Variants in SOX6 observed in about 807,000 individuals in gnomAD.
SOX6 encodes transcription factor SOX-6.
A neutral mutation model predicts 97.8 loss-of-function variants in SOX6; 11 were observed. The observed-to-expected ratio is 0.11, with a 90% CI of 0.07 to 0.19. SOX6 has a LOEUF of 0.19. SOX6 is among the 10% of genes least tolerant of loss of function. SOX6 has a pLI of 1.00. For synonymous variants in SOX6, 360 were observed against 371.4 expected (o/e 0.97, Z 0.35); for missense variants, 810 against 1,039.5 (o/e 0.78, Z 3.04).
intron 6 of SOX6, among the ~76,000 whole-genome samples, chr11:16,139,591 C>A (rs1342308494): frequency 6.6e-6 from 1 of 151,990 alleles, no homozygotes; most frequent in Non-Finnish European, 1.5e-5. Context: ...ATTCTTTAAG[C>A]ACCTCCTCAC....
chr11:16,093,776 A>G (rs1441553596), intron 9 of SOX6, among the ~76,000 whole-genome samples: 2 of 152,122 alleles, frequency 1.3e-5, no homozygotes, highest in East Asian at 3.9e-4. Context: ...CCTAGCTAGA[A>G]AAGAAAGCAG....
chr11:16,637,059 T>C (rs1412647634), intron 3 of SOX6, among the ~76,000 whole-genome samples: 1 of 152,228 alleles, frequency 6.6e-6, no homozygotes, highest in Non-Finnish European at 1.5e-5. Flanking sequence ...TGTTGTTGAT[T>C]AGTCTCTCTA....
At chr11:16,714,625 T>C (rs773605417) in intron 3 of SOX6, among the ~76,000 whole-genome samples, 1 of 152,062 alleles carries the variant, frequency 6.6e-6, no homozygotes, top group African/African-American at 2.4e-5. Context: ...CTAATTTTTG[T>C]ACTTTTAGTA....
intron 9 of SOX6, among the ~76,000 whole-genome samples, chr11:16,080,875 G>A (rs556531762): frequency 3.3e-5 from 5 of 152,074 alleles, no homozygotes; most frequent in Non-Finnish European, 7.4e-5. Flanking sequence ...TTAACTAAAA[G>A]TTTAAAAATA....
intron 3 of SOX6, among the ~76,000 whole-genome samples, chr11:16,290,507 T>C (rs1854883106): frequency 1.3e-5 from 2 of 152,064 alleles, no homozygotes; most frequent in South Asian, 2.1e-4. Flanking sequence ...CATGAACACA[T>C]TGTCTTTTAT....
chr11:16,290,755 G>A (rs1047576710), intron 3 of SOX6, among the ~76,000 whole-genome samples: 4 of 152,016 alleles, frequency 2.6e-5, no homozygotes, highest in African/African-American at 7.2e-5. Flanking sequence ...CAAAAACAAC[G>A]TTCCCTGTGT....
intron 4 of SOX6, among the ~76,000 whole-genome samples, chr11:16,527,669 A>G (rs981857457): frequency 6.6e-6 from 1 of 152,170 alleles, no homozygotes; most frequent in Non-Finnish European, 1.5e-5. Flanking sequence ...TACGAAAACT[A>G]TTAATGCACC....
chr11:16,628,523 G>A (rs1848657523), intron 3 of SOX6, among the ~76,000 whole-genome samples: 2 of 151,810 alleles, frequency 1.3e-5, no homozygotes, highest in South Asian at 4.2e-4. Flanking sequence ...CTACTTGGAA[G>A]GCTGAGGAAG....
chr11:16,359,858 G>A (rs1857164744), upstream of SOX6, among the ~76,000 whole-genome samples: 1 of 152,128 alleles, frequency 6.6e-6, no homozygotes, highest in East Asian at 1.9e-4. Flanking sequence ...ATGCTTCACA[G>A]TACCTCATTA....
At chr11:16,524,276 C>G (rs1861119211) in intron 4 of SOX6, among the ~76,000 whole-genome samples, 1 of 151,440 alleles carries the variant, frequency 6.6e-6, no homozygotes, top group Non-Finnish European at 1.5e-5. Flanking sequence ...AAAGCTTATC[C>G]ACCATGATCA....
rs1455686351 is a variant in SOX6, at chr11:16,300,595, C to T, written c.445+17851G>A. On this transcript the variant is annotated intron_variant, in intron 3 of 15. Transcript: ENST00000683767. The surrounding 1 kb of genome is among the most constrained non-coding windows in gnomAD (Gnocchi z 4.1). Reference sequence around the variant, plus strand: ...CCTCTCAGTGCTGGAAAGACATTTTCATTCATTACCACGGTCACAAGCACT... The same window carrying T: ...CCTCTCAGTGCTGGAAAGACATTTTTATTCATTACCACGGTCACAAGCACT... Among the ~76,000 whole-genome samples, 1 of 152,176 alleles carries T rather than the reference C, an allele frequency of 6.6e-6. No homozygotes were observed. Among genetic ancestry groups the T allele is most frequent in the Non-Finnish European group, 1.5e-5 (1 of 68,032 alleles).
chr11:16,448,419 T>C lies in SOX6; in HGVS notation c.-5+27896A>G, dbSNP rs181987200. Among the ~76,000 whole-genome samples the C allele has an allele frequency of 6.6e-3, 1,008 of 152,222 alleles. 21 individuals carry two copies. The highest frequency in any genetic ancestry group is 0.023 in the African/African-American group (938 of 41,544). On this transcript the variant is annotated intron_variant, in intron 1 of 15. Coordinates refer to the SOX6 transcript ENST00000396356. ...CAATATCACTACTCTCATTTTTTTT[T>C]CCCCATTACCCTCCTTTTATTCAAC...
At chr11:16,205,468 T>A (rs1852048482) in intron 4 of SOX6, among the ~76,000 whole-genome samples, 1 of 152,088 alleles carries the variant, frequency 6.6e-6, no homozygotes, top group South Asian at 2.1e-4. Flanking sequence ...TAAGAGCTTA[T>A]GTAAAATATG....
intron 1 of SOX6, among the ~76,000 whole-genome samples, chr11:16,449,599 C>T (rs2133094680): frequency 6.6e-6 from 1 of 152,190 alleles, no homozygotes; most frequent in Admixed American, 6.5e-5. Flanking sequence ...GCCGCCCCTT[C>T]TTTATTTTTA....
At chr11:16,522,451 G>T (rs1861084290) in intron 4 of SOX6, among the ~76,000 whole-genome samples, 1 of 151,978 alleles carries the variant, frequency 6.6e-6, no homozygotes, top group Non-Finnish European at 1.5e-5. Context: ...GTCATCACCA[G>T]GCCTGCCCTA....
intron 6 of SOX6, among the ~76,000 whole-genome samples, chr11:16,141,264 G>A (rs896348139): frequency 1.3e-5 from 2 of 152,138 alleles, no homozygotes; most frequent in Admixed American, 6.5e-5. Flanking sequence ...TCCAAGCGAA[G>A]AATGGAAGTG....
At chr11:16,013,295 T>C (rs924005827) in intron 13 of SOX6, among the ~76,000 whole-genome samples, 2 of 152,052 alleles carry the variant, frequency 1.3e-5, no homozygotes, top group African/African-American at 2.4e-5. Flanking sequence ...GTCAACAATT[T>C]AGGTACTCTG....
At chr11:16,708,352 A>T (rs1848152531) in intron 3 of SOX6, among the ~76,000 whole-genome samples, 1 of 152,218 alleles carries the variant, frequency 6.6e-6, no homozygotes, top group South Asian at 2.1e-4. Context: ...TGGTCCTCTG[A>T]TGCATCCACA....
chr11:16,396,195 A>T (rs555048407), intron 1 of SOX6, among the ~76,000 whole-genome samples: 1 of 151,858 alleles, frequency 6.6e-6, no homozygotes, highest in Admixed American at 6.6e-5. Flanking sequence ...CAGAGTTAAT[A>T]TGAGGATTAA....
Sources: gnomAD v4.1 joint callset for allele counts (sites outside exome capture counted in the v4.1 genomes callset) on GRCh38, gnomAD v4.1.1 for gene constraint, Gnocchi (gnomAD v3.1) non-coding constraint, MANE v1.5 for transcripts, NCBI Gene and HGNC (gene_info 2026-07-23, HGNC 2026-07-21) for gene names.